The following UPP2 variants were observed in gnomAD, a reference collection of about 807,000 sequenced individuals.
The protein encoded by UPP2 is uridine phosphorylase 2, also known as UPase 2.
UPP2 carries 23 observed loss-of-function variants against 26.7 expected under a neutral mutation model. The ratio of observed to expected loss-of-function variants is 0.86; its 90% CI spans 0.62 to 1.22. UPP2 has a LOEUF of 1.22. Among genes scored for constraint, UPP2 ranks in the 50% most tolerant of loss-of-function variants. UPP2 has a pLI of 0.00. For missense variants in UPP2, 387 were observed against 396.7 expected, an observed-to-expected ratio of 0.98 and a Z score of 0.21; for synonymous variants, 127 against 141.3, an observed-to-expected ratio of 0.90 and a Z score of 0.72.
chr2:158,074,690 T>TACACACACACACACACAC (rs56277459), intron 3 of UPP2, among the ~76,000 whole-genome samples: 7 of 135,404 alleles, frequency 5.2e-5, no homozygotes, highest in African/African-American at 1.4e-4. Context: ...AAGACCTTCA[T>TACACACACACACACACAC]ACACACACAC....
chr2:158,020,591 A>T (rs1050687486), intron 3 of UPP2, among the ~76,000 whole-genome samples: 2 of 152,242 alleles, frequency 1.3e-5, no homozygotes, highest in African/African-American at 4.8e-5. Flanking sequence ...GGACAGATGC[A>T]ACATGGAATG....
intron 3 of UPP2, among the ~76,000 whole-genome samples, chr2:158,064,407 G>A (rs1193345914): frequency 6.6e-6 from 1 of 151,500 alleles, no homozygotes; most frequent in African/African-American, 2.4e-5. Flanking sequence ...TTTGAGAAGT[G>A]TCTGTTCATA....
intron 3 of UPP2, among the ~76,000 whole-genome samples, chr2:158,095,793 T>A (rs74738171): frequency 0.01 from 1,560 of 152,254 alleles, 29 homozygotes; most frequent in African/African-American, 0.035. Flanking sequence ...TGTTTTTTTT[T>A]TCATTATTTT....
intron 2 of UPP2, among the ~76,000 whole-genome samples, chr2:157,995,482 C>A (rs1468623858): frequency 6.6e-6 from 1 of 152,134 alleles, no homozygotes; most frequent in Admixed American, 6.5e-5. Context: ...CTACTACAGA[C>A]GATGGAAGAG....
intron 3 of UPP2, among the ~76,000 whole-genome samples, chr2:158,024,777 T>G (rs1683808663): frequency 6.6e-6 from 1 of 152,180 alleles, no homozygotes; most frequent in Admixed American, 6.5e-5. Flanking sequence ...AATGTGTCAC[T>G]TAAAGGGAGT....
At chr2:158,103,511 A>G (rs1683119442) in intron 1 of UPP2, among the ~76,000 whole-genome samples, 1 of 152,096 alleles carries the variant, frequency 6.6e-6, no homozygotes, top group African/African-American at 2.4e-5. Context: ...GGTGGTTCTG[A>G]TATGTAGCTG....
intron 3 of UPP2, among the ~76,000 whole-genome samples, chr2:158,016,239 G>A (rs1036286633): frequency 1.3e-5 from 2 of 151,548 alleles, no homozygotes; most frequent in East Asian, 1.9e-4. Flanking sequence ...TGCCCATTGT[G>A]TTTATTGAAT....
In UPP2 at chr2:158,055,203, G is replaced by A. The variant is rs547034672; in HGVS notation, c.147+39317G>A. Among the ~76,000 whole-genome samples the A allele has an allele frequency of 5.3e-4, 80 of 152,252 alleles. 1 individual carries two copies. The highest frequency in any genetic ancestry group is 6.8e-3 in the Middle Eastern group (2 of 294). ...GGCTCTCCCTGCTGAGTCCCAAGGC[G>A]GTGCAGGGTATCACATGGTGAGGGG... On this transcript the variant is annotated intron_variant, in intron 3 of 9. Coordinates refer to the UPP2 transcript ENST00000605860.
chr2:158,055,180 C>T (rs1180818694), intron 3 of UPP2, among the ~76,000 whole-genome samples: 2 of 152,212 alleles, frequency 1.3e-5, no homozygotes, highest in East Asian at 3.9e-4. Context: ...CTGGTGGGGG[C>T]TCTCCCTGCT....
At chr2:158,054,816 C>T (rs1349261592) in intron 3 of UPP2, among the ~76,000 whole-genome samples, 1 of 152,256 alleles carries the variant, frequency 6.6e-6, no homozygotes, top group East Asian at 1.9e-4. Flanking sequence ...ATAAAACTTG[C>T]TATTTTAACC....
intron 3 of UPP2, among the ~76,000 whole-genome samples, chr2:158,087,664 T>C (rs564396892): frequency 4.1e-4 from 63 of 152,322 alleles, no homozygotes; most frequent in African/African-American, 1.3e-3. Flanking sequence ...GAGCTCCTTT[T>C]AGCAGCTCTT....
chr2:158,105,999 A>C (rs1683185451), intron 1 of UPP2, 100 bp from the exon 2 acceptor site: 1 of 882,424 alleles, frequency 1.1e-6, no homozygotes, highest in African/African-American at 1.7e-5. Context: ...TTCTCAACAA[A>C]TAATTTAACC....
At chr2:158,125,094 T>C (rs1051906660) in intron 6 of UPP2, among the ~76,000 whole-genome samples, 2 of 152,166 alleles carry the variant, frequency 1.3e-5, no homozygotes, top group African/African-American at 4.8e-5. Context: ...CCCATGAAGT[T>C]GGCAGTACAC....
chr2:158,004,674 C>T (rs1204582773), intron 2 of UPP2, among the ~76,000 whole-genome samples: 3 of 152,216 alleles, frequency 2.0e-5, no homozygotes, highest in Non-Finnish European at 4.4e-5. Flanking sequence ...ACTTTCTGTG[C>T]TTCCTCAGTT....
chr2:158,014,787 T>C (rs1039542490), intron 2 of UPP2, among the ~76,000 whole-genome samples: 1 of 152,158 alleles, frequency 6.6e-6, no homozygotes, highest in Non-Finnish European at 1.5e-5. Context: ...CTCCACCCCA[T>C]AACAAAACAC....
intron 6 of UPP2, among the ~76,000 whole-genome samples, chr2:158,124,509 G>C (rs572564135): frequency 6.6e-6 from 1 of 152,310 alleles, no homozygotes; most frequent in African/African-American, 2.4e-5. Context: ...GGAGAGCTCT[G>C]AATAGAGAGG....
intron 6 of UPP2, among the ~76,000 whole-genome samples, chr2:158,124,127 G>T (rs891501705): frequency 2.0e-5 from 3 of 152,198 alleles, no homozygotes; most frequent in Non-Finnish European, 4.4e-5. Flanking sequence ...TTGGTGACAT[G>T]TTCAGGGCTT....
intron 3 of UPP2, among the ~76,000 whole-genome samples, chr2:158,068,804 T>TATA (rs1682489452): frequency 2.3e-3 from 33 of 14,564 alleles, no homozygotes; most frequent in Middle Eastern, 0.045. Flanking sequence ...ATATATATAT[T>TATA]TTTTTTTTTT....
At chr2:158,094,969 C>G (rs1271285619) in intron 3 of UPP2, among the ~76,000 whole-genome samples, 2 of 152,138 alleles carry the variant, frequency 1.3e-5, no homozygotes, top group Admixed American at 6.5e-5. Flanking sequence ...GCTTTAATCT[C>G]CAAGGCTTGA....
Sources: allele counts gnomAD v4.1 joint callset (sites outside exome capture counted in the v4.1 genomes callset), GRCh38; gene constraint gnomAD v4.1.1; transcripts MANE v1.5; gene names NCBI Gene and HGNC (gene_info 2026-07-23, HGNC 2026-07-21).